The following SEC24B variants were observed in gnomAD, a reference collection of about 807,000 sequenced individuals.
SEC24B encodes the protein SEC24 homolog B, COPII component.
Under a neutral mutation model 142.8 loss-of-function variants are expected in SEC24B, and 45 were observed. The ratio of observed to expected loss-of-function variants is 0.32; its 90% CI spans 0.25 to 0.40. SEC24B has a LOEUF of 0.40. Among genes scored for constraint, SEC24B ranks in the 10% least tolerant of loss-of-function variants. The pLI is 1.00. For missense variants in SEC24B, 1,409 were observed against 1,526.8 expected (o/e 0.92, Z 1.29); for synonymous variants, 574 against 568.2 (o/e 1.01, Z -0.15).
Position 109,494,636 on chromosome 4 carries a change from G to A in SEC24B, c.1268G>A (p.Ser423Asn), listed in dbSNP as rs1735343829. ...TTAGATATGCTTTCTTCATCAGCAA[G>A]CAGTCCTGCTCCTGATCCCGCCCCT... is the stretch of plus-strand genomic sequence containing the variant. ...SYPDMLSSSA[S>N]SPAPDPAPEP... The change falls in exon 6 of 24, where the codon AGC becomes AAC. Residue 423 changes from serine (S) to asparagine (N), a missense_variant. By Grantham distance (46) the Ser-to-Asn change is conservative. Transcript: ENST00000265175. 5.0e-6 allele frequency: 8 copies of A among 1,614,004 alleles called. No homozygotes were observed. Among genetic ancestry groups the A allele is most frequent in the African/African-American group, 1.3e-5 (1 of 75,042 alleles).
chr4:109,501,369 C>G (rs746949089), intron 6 of SEC24B, among the ~76,000 whole-genome samples: 2 of 152,222 alleles, frequency 1.3e-5, no homozygotes, highest in Non-Finnish European at 2.9e-5. Flanking sequence ...ACACATTTCT[C>G]AGAACATGTC....
intron 4 of SEC24B, among the ~76,000 whole-genome samples, chr4:109,485,497 A>G (rs1311456072): frequency 3.9e-5 from 6 of 152,206 alleles, no homozygotes; most frequent in Non-Finnish European, 7.3e-5. Context: ...TTAAACGTAC[A>G]TGTTATCTTA....
chr4:109,492,991 A>G (rs1228472110), intron 5 of SEC24B, among the ~76,000 whole-genome samples: 1 of 151,744 alleles, frequency 6.6e-6, no homozygotes, highest in Non-Finnish European at 1.5e-5. Flanking sequence ...AAGTGTTGGG[A>G]TAATAGGCTT....
chr4:109,515,546 T>G (rs1470682324), intron 10 of SEC24B, among the ~76,000 whole-genome samples: 1 of 152,132 alleles, frequency 6.6e-6, no homozygotes, highest in African/African-American at 2.4e-5. Context: ...CAGACTGGTC[T>G]CAAACTCCTG....
chr4:109,476,998 G>A (rs1171070507), intron 3 of SEC24B, among the ~76,000 whole-genome samples: 7 of 150,886 alleles, frequency 4.6e-5, no homozygotes, highest in South Asian at 2.1e-4. Context: ...TTAGCCGGGC[G>A]TAGTGGCGGG....
chr4:109,511,919 G>A (rs777253072), intron 8 of SEC24B, 38 bp from the exon 9 acceptor site: 24 of 1,604,362 alleles, frequency 1.5e-5, no homozygotes, highest in Non-Finnish European at 2.0e-5. Flanking sequence ...TCCTTGGGGT[G>A]CCTTTTTCTG....
chr4:109,448,187 T>C (rs956055385), intron 1 of SEC24B, among the ~76,000 whole-genome samples: 1 of 152,212 alleles, frequency 6.6e-6, no homozygotes, highest in African/African-American at 2.4e-5. Flanking sequence ...ATCTAACATA[T>C]TCACAAGTTT....
At position 109,483,289 on chromosome 4, in the gene SEC24B, C is replaced by T. The variant is rs1734007432; in HGVS notation, c.1165+1508C>T. Among the ~76,000 whole-genome samples, 2 of 150,898 alleles carry T rather than the reference C, an allele frequency of 1.3e-5. 1 individual carries two copies. Among genetic ancestry groups the T allele is most frequent in the South Asian group, 4.2e-4 (2 of 4,780 alleles). On this transcript the variant is annotated intron_variant, in intron 4 of 23. Coordinates refer to ENST00000265175, the MANE Select transcript of SEC24B (RefSeq NM_006323.5). ...AGAGATGGGGTTTCACTGTGTTAGCCAGGATGGTCTTGATCTCCTGACCTC... is the reference window on the plus strand; with the variant it reads ...AGAGATGGGGTTTCACTGTGTTAGCTAGGATGGTCTTGATCTCCTGACCTC...
chr4:109,498,398 C>T (rs1276221755), intron 6 of SEC24B, among the ~76,000 whole-genome samples: 4 of 152,166 alleles, frequency 2.6e-5, no homozygotes, highest in African/African-American at 9.7e-5. Flanking sequence ...TGCTCTGTCG[C>T]CCAGGCTGGA....
chr4:109,538,457 G>A, intron 22 of SEC24B, 36 bp from the exon 23 acceptor site: 2 of 1,434,478 alleles, frequency 1.4e-6, no homozygotes, highest in Non-Finnish European at 2.0e-6. Flanking sequence ...AAGTCTATGA[G>A]AAAGGAAAGT....
intron 21 of SEC24B, among the ~76,000 whole-genome samples, chr4:109,532,986 G>T (rs1274329732): frequency 6.6e-6 from 1 of 152,072 alleles, no homozygotes; most frequent in Non-Finnish European, 1.5e-5. Context: ...TTTTAATATG[G>T]ATTATTTACT....
chr4:109,513,762 T>C lies in SEC24B; in HGVS notation c.1919T>C (p.Met640Thr). 3 of 1,610,384 alleles carry C rather than the reference T, an allele frequency of 1.9e-6. No homozygotes were observed. Among genetic ancestry groups the C allele is most frequent in the Non-Finnish European group, 2.5e-6 (3 of 1,176,742 alleles). The change falls in exon 10 of 24, where the codon ATG becomes ACG. Residue 640 changes from methionine to threonine, a missense_variant. Around this residue, in one of 2 missense-constraint regions of SEC24B, gnomAD observed 700 missense variants for 853.3 expected, o/e 0.82. Transcript: ENST00000265175. ...YRVNDVPEEF[M>T]YNPLTRSYGE... is the part of the protein sequence containing the mutation. ...TCTTATCTAGTTCCTGAAGAATTTA[T>C]GTATAACCCCCTTACCCGATCTTAT...
At chr4:109,517,171 T>G (rs569046386) in intron 11 of SEC24B, among the ~76,000 whole-genome samples, 2 of 152,374 alleles carry the variant, frequency 1.3e-5, no homozygotes, top group South Asian at 2.1e-4. Flanking sequence ...TGCACTCCCA[T>G]GTTTATTGTA....
chr4:109,539,232 G>A (rs1261198499), intron 23 of SEC24B, among the ~76,000 whole-genome samples: 1 of 151,890 alleles, frequency 6.6e-6, no homozygotes, highest in Non-Finnish European at 1.5e-5. Context: ...AAAGTGCTGG[G>A]ATTACAGGCG....
At chr4:109,514,136 A>T (rs191994115) in intron 10 of SEC24B, among the ~76,000 whole-genome samples, 3 of 152,312 alleles carry the variant, frequency 2.0e-5, no homozygotes, top group Non-Finnish European at 2.9e-5. Flanking sequence ...CATGGAATGG[A>T]TATAGATACC....
rs1343271258 is a variant in SEC24B, at chr4:109,462,959, T to C, written c.192T>C (p.Tyr64=). Residue 64 remains tyrosine, a synonymous_variant, in exon 2 of 24, where the codon TAT becomes TAC. Transcript: ENST00000265175. ...GATATGGATTGCATCATCAAAACTA[T>C]ATTGCTCCCTCAGGACATTACTCTC... ...PSGYGLHHQN[Y]IAPSGHYSQG... The C allele has an allele frequency of 1.9e-6, 3 of 1,613,642 alleles. No homozygotes were observed. The highest frequency in any genetic ancestry group is 2.5e-6 in the Non-Finnish European group (3 of 1,180,026).
chr4:109,506,648 G>A, intron 7 of SEC24B, 136 bp downstream of exon 7: 1 of 609,164 alleles, frequency 1.6e-6, no homozygotes, highest in Non-Finnish European at 2.5e-6. Context: ...AGTTTGTATA[G>A]ATGTAAAATT....
At chr4:109,526,847 C>G (rs936454968) in intron 17 of SEC24B, among the ~76,000 whole-genome samples, 3 of 152,144 alleles carry the variant, frequency 2.0e-5, no homozygotes, top group Non-Finnish European at 4.4e-5. Context: ...TAAAAATGTT[C>G]ATTGTAAAAC....
intron 7 of SEC24B, among the ~76,000 whole-genome samples, chr4:109,507,703 T>G (rs1736850233): frequency 6.6e-6 from 1 of 152,136 alleles, no homozygotes; most frequent in Non-Finnish European, 1.5e-5. Context: ...TGGAGTGCAA[T>G]AACGCCATCT....
Sources: gnomAD v4.1 joint callset for allele counts (sites outside exome capture counted in the v4.1 genomes callset) on GRCh38, gnomAD v4.1.1 for gene constraint, gnomAD v4.1.1 regional missense constraint, MANE v1.5 for transcripts, NCBI Gene and HGNC (gene_info 2026-07-23, HGNC 2026-07-21) for gene names.